The following GLUD1 variants were observed in gnomAD, a reference collection of about 807,000 sequenced individuals.
The protein encoded by GLUD1 is glutamate dehydrogenase 1, mitochondrial.
In GLUD1, 22 loss-of-function variants were observed where a neutral mutation model predicts 56.0. The ratio of observed to expected loss-of-function variants is 0.39; its 90% CI spans 0.28 to 0.56. GLUD1 has a LOEUF of 0.56. Among genes scored for constraint, GLUD1 ranks in the 20% least tolerant of loss-of-function variants. The pLI, the probability that GLUD1 is intolerant of heterozygous loss-of-function variation, is 0.58. For missense variants in GLUD1, 451 were observed against 732.0 expected (o/e 0.62, Z 4.43); for synonymous variants, 223 against 269.9 (o/e 0.83, Z 1.70).
chr10:87,094,705 G>A lies in GLUD1; in HGVS notation c.65C>T (p.Ala22Val), dbSNP rs1784343760. 3 of 1,500,194 alleles carry A rather than the reference G, an allele frequency of 2.0e-6. No individual in the cohort carries two copies. The highest frequency in any genetic ancestry group is 2.4e-4 in the Middle Eastern group (1 of 4,242). 92.9% of individuals were successfully genotyped at this position (1,500,194 alleles called of 1,614,324 possible). Residue 22 changes from alanine (A) to valine (V), a missense_variant, in exon 1 of 13, where the codon GCG becomes GTG. Ala to Val is a moderately conservative substitution (Grantham distance 64, BLOSUM62 0). Around this residue, in one of 4 missense-constraint regions of GLUD1, gnomAD observed 158 missense variants for 189.7 expected, o/e 0.83. Transcript: ENST00000277865. This position sits in a 1 kb window ranked among gnomAD's most constrained non-coding sequence, Gnocchi z 6.6. The part of the protein sequence containing the change: ...SRAGPAALGS[A>V]SADSAALLGW... The stretch of plus-strand genomic sequence containing the variant: ...CAGCAACGCGGCCGAGTCGGCGGAC[G>A]CCGAGCCCAGGGCAGCGGGCCCGGC...
intron 11 of GLUD1, among the ~76,000 whole-genome samples, chr10:87,057,296 T>C (rs1845807829): frequency 6.6e-6 from 1 of 152,136 alleles, no homozygotes; most frequent in East Asian, 1.9e-4. Flanking sequence ...CTCTTGTTTC[T>C]TTCTTTATTT....
intron 3 of GLUD1, among the ~76,000 whole-genome samples, chr10:87,075,225 G>A (rs1321013056): frequency 1.3e-5 from 2 of 152,098 alleles, no homozygotes; most frequent in Non-Finnish European, 2.9e-5. Context: ...TGAGCCTCCC[G>A]AGTAGCTGGG....
chr10:87,081,675 T>C (rs979763082), intron 1 of GLUD1, among the ~76,000 whole-genome samples: 17 of 152,152 alleles, frequency 1.1e-4, no homozygotes, highest in East Asian at 7.7e-4. Flanking sequence ...CTGTAACATG[T>C]GCTGTGTCCA....
intron 8 of GLUD1, 106 bp downstream of exon 8, chr10:87,060,582 A>G: frequency 7.3e-7 from 1 of 1,363,198 alleles, no homozygotes; most frequent in Admixed American, 1.7e-5. Context: ...AGTATGTGCC[A>G]ATAAAGCTGC....
At position 87,094,085 on chromosome 10, in the gene GLUD1, T is replaced by C. The variant is rs1286013034; in HGVS notation, c.445+240A>G. The C allele has an allele frequency of 1.2e-5, 18 of 1,514,200 alleles. No individual in the cohort carries two copies. The highest frequency in any genetic ancestry group is 1.5e-5 in the Non-Finnish European group (17 of 1,133,744). 93.8% of individuals were successfully genotyped at this position (1,514,200 alleles called of 1,614,324 possible). On this transcript the variant is annotated intron_variant, in intron 1 of 12. Coordinates refer to ENST00000277865, the MANE Select transcript of GLUD1 (RefSeq NM_005271.5). This position sits in a 1 kb window ranked among gnomAD's most constrained non-coding sequence, Gnocchi z 6.6. Reference sequence around the variant, plus strand: ...CTACTCTGCATGCAAGATCAGCATATACAGAGGCCCGGGGTGACGGCGCGG... The same window carrying C: ...CTACTCTGCATGCAAGATCAGCATACACAGAGGCCCGGGGTGACGGCGCGG...
intron 12 of GLUD1, among the ~76,000 whole-genome samples, chr10:87,052,660 A>C (rs1013733825): frequency 6.2e-5 from 7 of 112,138 alleles, no homozygotes; most frequent in South Asian, 3.0e-4. Flanking sequence ...ACAGGGCAAA[A>C]CTCCGTCTCA....
At chr10:87,056,115 CAAA>C (rs201114912) in intron 11 of GLUD1, among the ~76,000 whole-genome samples, 3 of 62,758 alleles carry the variant, frequency 4.8e-5, no homozygotes, top group Admixed American at 2.1e-4. Context: ...GACTCTGTCT[CAAA>C]AAAAAAAAAA....
At chr10:87,079,820 C>T (rs1354944213) in intron 1 of GLUD1, among the ~76,000 whole-genome samples, 1 of 152,060 alleles carries the variant, frequency 6.6e-6, no homozygotes, top group East Asian at 1.9e-4. Flanking sequence ...CTTAATAAAC[C>T]TTGGTTTCAT....
chr10:87,077,827 C>T (rs944103926), intron 1 of GLUD1, among the ~76,000 whole-genome samples: 1 of 151,870 alleles, frequency 6.6e-6, no homozygotes, highest in African/African-American at 2.4e-5. Context: ...TTTTTTCTAC[C>T]CTCCCACTCC....
At chr10:87,064,181 G>T (rs1256849916) in intron 5 of GLUD1, among the ~76,000 whole-genome samples, 1 of 152,220 alleles carries the variant, frequency 6.6e-6, no homozygotes, top group African/African-American at 2.4e-5. Context: ...CCAAAGTGCT[G>T]GGATTACAGG....
chr10:87,074,584 ACCT>A lies in GLUD1; in HGVS notation c.610_612del (p.Arg204del). 1 of 1,590,966 alleles carries A rather than the reference ACCT, an allele frequency of 6.3e-7. No individual in the cohort carries two copies. On this transcript the variant is annotated inframe_deletion, in exon 4 of 13. Coordinates refer to ENST00000277865, the MANE Select transcript of GLUD1 (RefSeq NM_005271.5). ...CCCTTTTTTGCTAGCTCCATGGTGA[ACCT>A]CCTTGTGATCTTTTCCAATTCATTA...
chr10:87,060,849 T>C, intron 7 of GLUD1, 24 bp from the exon 8 acceptor site: 2 of 1,614,158 alleles, frequency 1.2e-6, no homozygotes, highest in Non-Finnish European at 1.7e-6. Context: ...AAAATCACAA[T>C]TAATAGCTGC....
At chr10:87,089,940 T>A (rs1235093570) in intron 1 of GLUD1, among the ~76,000 whole-genome samples, 1 of 152,242 alleles carries the variant, frequency 6.6e-6, no homozygotes, top group African/African-American at 2.4e-5. Flanking sequence ...TATTTGATTA[T>A]GTGAATCATG....
chr10:87,062,210 G>A (rs1303136846), intron 6 of GLUD1, among the ~76,000 whole-genome samples: 1 of 152,200 alleles, frequency 6.6e-6, no homozygotes, highest in African/African-American at 2.4e-5. Context: ...GAGCCACTGT[G>A]TCCAGCCACC....
In GLUD1 at chr10:87,094,816, C is replaced by T. The variant is rs1352045575; in HGVS notation, c.-47G>A. 5.7e-6 allele frequency: 8 copies of T among 1,408,166 alleles called. No homozygotes were observed. The Middle Eastern group carries it at 9.2e-4, about 162-fold the overall frequency. The allele number at this position is 1,408,166 out of a possible 1,614,324, so 87.2% of individuals were successfully genotyped here. A position where few individuals can be genotyped will look rare whatever the true frequency, so the allele number is the denominator to read the frequency against. On this transcript the variant is annotated 5_prime_UTR_variant, in exon 1 of 13. Transcript: ENST00000277865. The surrounding 1 kb of genome is among the most constrained non-coding windows in gnomAD (Gnocchi z 6.6). Reference sequence around the variant, plus strand: ...GCGTGATGGTCGCGAAACAGGCGCGCTTTCTCAGACTCCCCGCGACTAGGG... The same window carrying T: ...GCGTGATGGTCGCGAAACAGGCGCGTTTTCTCAGACTCCCCGCGACTAGGG...
At chr10:87,090,682 TCTGA>T (rs1384998360) in intron 1 of GLUD1, among the ~76,000 whole-genome samples, 5 of 152,208 alleles carry the variant, frequency 3.3e-5, no homozygotes, top group South Asian at 2.1e-4. Context: ...TTACCTATCC[TCTGA>T]CTGAACTTTC....
chr10:87,052,375 C>G (rs1845656325), intron 12 of GLUD1, among the ~76,000 whole-genome samples: 1 of 152,016 alleles, frequency 6.6e-6, no homozygotes, highest in Non-Finnish European at 1.5e-5. Flanking sequence ...GTAATCCCGG[C>G]TACTCGGGAG....
chr10:87,085,460 A>G (rs1216736697), intron 1 of GLUD1, among the ~76,000 whole-genome samples: 1 of 152,188 alleles, frequency 6.6e-6, no homozygotes, highest in Non-Finnish European at 1.5e-5. Context: ...TCCAGTCTAA[A>G]TCTTTTATTT....
At chr10:87,092,787 C>A (rs1030961888) in intron 1 of GLUD1, 1 of 156,426 alleles carries the variant, frequency 6.4e-6, no homozygotes, top group African/African-American at 2.4e-5. Context: ...AACTTGATGT[C>A]CGTTTTAAGA....
Sources: allele counts gnomAD v4.1 joint callset (sites outside exome capture counted in the v4.1 genomes callset), GRCh38; gene constraint gnomAD v4.1.1; regional missense constraint gnomAD v4.1.1; non-coding constraint Gnocchi (gnomAD v3.1); transcripts MANE v1.5; gene names NCBI Gene and HGNC (gene_info 2026-07-23, HGNC 2026-07-21).